The following GBF1 variants were observed in gnomAD, a reference collection of about 807,000 sequenced individuals.
GBF1 encodes the protein Golgi-specific brefeldin A-resistance guanine nucleotide exchange factor 1.
A neutral mutation model predicts 210.5 loss-of-function variants in GBF1; 114 were observed. The observed-to-expected ratio is 0.54, with a 90% CI of 0.47 to 0.63. The LOEUF (loss-of-function observed/expected upper bound fraction) is 0.63, where lower values mean the gene tolerates loss of function less well. GBF1 is among the 30% of genes least tolerant of loss of function. GBF1 has a pLI of 0.00. For synonymous variants in GBF1, 850 were observed against 889.2 expected (o/e 0.96, Z 0.78); for missense variants, 1,851 against 2,357.7 (o/e 0.79, Z 4.45).
chr10:102,291,502 G>T (rs1286382112), intron 3 of GBF1, among the ~76,000 whole-genome samples: 7 of 152,114 alleles, frequency 4.6e-5, no homozygotes, highest in Non-Finnish European at 1.0e-4. Context: ...CTTTTTACTG[G>T]TTGGCTGTGG....
In GBF1 at chr10:102,369,711, G is replaced by C. The variant is rs576688207; in HGVS notation, c.3151G>C (p.Val1051Leu). Residue 1051 changes from valine (V) to leucine (L), a missense_variant and splice_region_variant, in exon 25 of 40, where the codon GTA becomes CTA. Val to Leu is a conservative substitution (Grantham distance 32, BLOSUM62 1). Coordinates refer to ENST00000369983, the MANE Select transcript of GBF1 (RefSeq NM_001377137.1). ...AAATTATTTTGACTTACTTTTCCAG[G>C]TAGAAGATTTCGTGGATCCCAATGG... Reference protein sequence around the residue: ...AQLLPKAMIEVEDFVDPNGKI... With the variant: ...AQLLPKAMIELEDFVDPNGKI... The C allele has an allele frequency of 6.2e-7, 1 of 1,613,822 alleles. No homozygotes were observed. The highest frequency in any genetic ancestry group is 2.2e-5 in the East Asian group (1 of 44,880).
chr10:102,288,513 C>G (rs2133596732), intron 3 of GBF1, among the ~76,000 whole-genome samples: 1 of 150,962 alleles, frequency 6.6e-6, no homozygotes. Flanking sequence ...AGATCGAGAC[C>G]ATCCTGGCTA....
At chr10:102,376,897 T>C in intron 32 of GBF1, 38 bp from the exon 33 acceptor site, 2 of 1,609,224 alleles carry the variant, frequency 1.2e-6, no homozygotes, top group Non-Finnish European at 1.7e-6. Context: ...TATGCCTATA[T>C]AGACACAGAA....
intron 3 of GBF1, among the ~76,000 whole-genome samples, chr10:102,309,450 T>G (rs2078219157): frequency 6.6e-6 from 1 of 152,240 alleles, no homozygotes; most frequent in African/African-American, 2.4e-5. Flanking sequence ...GTCTACTATT[T>G]CTTCTGTAAT....
At chr10:102,364,417 G>A (rs1162187883) in intron 17 of GBF1, among the ~76,000 whole-genome samples, 2 of 148,858 alleles carry the variant, frequency 1.3e-5, no homozygotes, top group African/African-American at 4.9e-5. Flanking sequence ...GTAGAGACGG[G>A]GTTTCACCGT....
intron 3 of GBF1, among the ~76,000 whole-genome samples, chr10:102,268,479 T>C (rs2074087991): frequency 6.6e-6 from 1 of 152,240 alleles, no homozygotes; most frequent in Non-Finnish European, 1.5e-5. Flanking sequence ...GGTGTTTTTA[T>C]TGCATTTGTC....
chr10:102,357,047 T>A (rs1384337684), intron 8 of GBF1, among the ~76,000 whole-genome samples: 1 of 152,098 alleles, frequency 6.6e-6, no homozygotes, highest in Admixed American at 6.5e-5. Flanking sequence ...GTCTCATTGA[T>A]ATAACAAATT....
At chr10:102,289,084 CAG>C (rs1265968370) in intron 3 of GBF1, among the ~76,000 whole-genome samples, 1 of 140,474 alleles carries the variant, frequency 7.1e-6, no homozygotes, top group Non-Finnish European at 1.5e-5. Flanking sequence ...GTCTGGGTGA[CAG>C]AGCAAAGACT....
chr10:102,350,756 T>C (rs2058904737), intron 4 of GBF1, among the ~76,000 whole-genome samples: 1 of 152,126 alleles, frequency 6.6e-6, no homozygotes, highest in Non-Finnish European at 1.5e-5. Context: ...ACCACAGTTT[T>C]ACCCAGTGGA....
Position 102,367,170 on chromosome 10 carries a change from A to G in GBF1, c.2519A>G (p.Asn840Ser). Reference protein sequence around the residue: ...AVIMLNTDQHNHNVRKQNAPM... With the variant: ...AVIMLNTDQHSHNVRKQNAPM... Reference sequence around the variant, plus strand: ...ATCATGCTTAATACTGACCAGCACAACCACAATGTTCGTAAACAGAATGCA... The same window carrying G: ...ATCATGCTTAATACTGACCAGCACAGCCACAATGTTCGTAAACAGAATGCA... The change falls in exon 20 of 40, where the codon AAC (asparagine) becomes AGC (serine). Residue 840 changes from asparagine (N) to serine (S), a missense_variant. Around this residue, in one of 3 missense-constraint regions of GBF1, gnomAD observed 80 missense variants for 151.4 expected, o/e 0.53. Transcript: ENST00000369983. The G allele has an allele frequency of 1.9e-6, 3 of 1,614,082 alleles. No individual in the cohort carries two copies. The highest frequency in any genetic ancestry group is 2.5e-6 in the Non-Finnish European group (3 of 1,179,924).
chr10:102,321,500 A>G (rs985486166), intron 3 of GBF1, among the ~76,000 whole-genome samples: 2 of 152,330 alleles, frequency 1.3e-5, no homozygotes, highest in African/African-American at 4.8e-5. Flanking sequence ...TGCCAATAGT[A>G]TACTGATTTA....
At chr10:102,360,545 T>A (rs1229095127) in intron 12 of GBF1, 150 bp downstream of exon 12, 5 of 617,246 alleles carry the variant, frequency 8.1e-6, no homozygotes, top group African/African-American at 7.4e-5. Flanking sequence ...TTCCAGTAGT[T>A]CCCCAGGGAC....
At chr10:102,265,747 GATC>G (rs1468772603) in intron 3 of GBF1, among the ~76,000 whole-genome samples, 1 of 152,112 alleles carries the variant, frequency 6.6e-6, no homozygotes, top group Non-Finnish European at 1.5e-5. Flanking sequence ...TCTCTTATGG[GATC>G]ATCTTTTAAT....
At chr10:102,256,375 T>C (rs1043565501) in intron 1 of GBF1, among the ~76,000 whole-genome samples, 2 of 152,136 alleles carry the variant, frequency 1.3e-5, no homozygotes, top group Non-Finnish European at 2.9e-5. Flanking sequence ...TTTCTTTCTC[T>C]ATTATCTCTG....
chr10:102,378,183 A>G (rs1180607330), intron 33 of GBF1, among the ~76,000 whole-genome samples: 1 of 150,994 alleles, frequency 6.6e-6, no homozygotes, highest in Non-Finnish European at 1.5e-5. Context: ...ATGCCACTGC[A>G]CTCCAGCCTG....
chr10:102,292,316 A>C (rs563800961), intron 3 of GBF1, among the ~76,000 whole-genome samples: 2 of 152,164 alleles, frequency 1.3e-5, no homozygotes, highest in Non-Finnish European at 2.9e-5. Flanking sequence ...TTTAATGATA[A>C]AAAAAATAAG....
chr10:102,358,414 A>T (rs2059410928), intron 9 of GBF1, 92 bp from the exon 10 acceptor site: 2 of 914,432 alleles, frequency 2.2e-6, no homozygotes, highest in African/African-American at 3.3e-5. Flanking sequence ...TAAGCATGTA[A>T]TCTGGGAAAC....
chr10:102,305,370 T>G (rs912580257), intron 3 of GBF1, among the ~76,000 whole-genome samples: 14 of 152,136 alleles, frequency 9.2e-5, no homozygotes, highest in Non-Finnish European at 1.8e-4. Flanking sequence ...CCCAGCACTT[T>G]GGGAGGCCAA....
chr10:102,381,964 A>AC, intron 39 of GBF1, 92 bp from the exon 40 acceptor site: 1 of 1,127,576 alleles, frequency 8.9e-7, no homozygotes, highest in East Asian at 2.5e-5. Flanking sequence ...ACAAGGAGGA[A>AC]CAGAGACTCT....
Sources: gnomAD v4.1 joint callset for allele counts (sites outside exome capture counted in the v4.1 genomes callset) on GRCh38, gnomAD v4.1.1 for gene constraint, gnomAD v4.1.1 regional missense constraint, MANE v1.5 for transcripts, NCBI Gene and HGNC (gene_info 2026-07-23, HGNC 2026-07-21) for gene names.